Variants in TRMT61B observed in about 807,000 individuals in gnomAD.
TRMT61B encodes tRNA (adenine(58)-N(1))-methyltransferase, mitochondrial.
TRMT61B carries 56 observed loss-of-function variants against 52.0 expected under a neutral mutation model. That is an observed-to-expected ratio of 1.08 (90% confidence interval 0.87 to 1.35). The LOEUF is 1.35. Among genes scored for constraint, TRMT61B ranks in the 40% most tolerant of loss-of-function variants. The pLI is 0.00. For missense variants in TRMT61B, 650 were observed against 577.9 expected (o/e 1.12, Z -1.28); for synonymous variants, 206 against 220.0 (o/e 0.94, Z 0.56).
intron 3 of TRMT61B, among the ~76,000 whole-genome samples, chr2:28,860,538 T>A (rs1669558981): frequency 1.3e-5 from 2 of 152,116 alleles, no homozygotes; most frequent in South Asian, 4.1e-4. Context: ...TCCTCTCTTG[T>A]CATCTATCTT....
intron 1 of TRMT61B, among the ~76,000 whole-genome samples, chr2:28,869,326 G>A (rs969865450): frequency 2.0e-5 from 3 of 152,138 alleles, no homozygotes; most frequent in East Asian, 1.9e-4. Context: ...CTAACAGAAA[G>A]TTGAGCTATT....
chr2:28,861,003 C>T, intron 3 of TRMT61B, 115 bp downstream of exon 3: 2 of 848,668 alleles, frequency 2.4e-6, no homozygotes, highest in South Asian at 2.3e-5. Flanking sequence ...TCTTTCAATC[C>T]CTAGAGATAG....
intron 3 of TRMT61B, among the ~76,000 whole-genome samples, chr2:28,853,773 T>A (rs1669221810): frequency 6.6e-6 from 1 of 152,006 alleles, no homozygotes; most frequent in Non-Finnish European, 1.5e-5. Context: ...GAGGCAGAGG[T>A]TGCAGTAAGC....
chr2:28,850,327 C>A lies in TRMT61B; in HGVS notation c.1390+1G>T. On this transcript the variant is annotated splice_donor_variant, in intron 6 of 6. Coordinates refer to ENST00000306108, the MANE Select transcript of TRMT61B (RefSeq NM_017910.4). LOFTEE classifies it high-confidence loss of function. ...TAATATGTTCTGAAAACATTACTCA[C>A]CTGTATGACCAGGTTGCCAGTGTAC... 6.2e-7 allele frequency: 1 copy of A among 1,608,402 alleles called. No homozygotes were observed. The highest frequency in any genetic ancestry group is 8.5e-7 in the Non-Finnish European group (1 of 1,176,202).
intron 3 of TRMT61B, among the ~76,000 whole-genome samples, chr2:28,854,198 T>C (rs1313294614): frequency 3.9e-5 from 6 of 152,216 alleles, no homozygotes. Flanking sequence ...GGTAAGGATA[T>C]AGTTGGAGCT....
intron 3 of TRMT61B, among the ~76,000 whole-genome samples, chr2:28,854,355 C>T (rs1163632575): frequency 6.6e-6 from 1 of 152,004 alleles, no homozygotes; most frequent in Non-Finnish European, 1.5e-5. Context: ...GCCTGTAATG[C>T]CAGCACTTTG....
chr2:28,859,718 T>C (rs1289381586), intron 3 of TRMT61B, among the ~76,000 whole-genome samples: 9 of 152,282 alleles, frequency 5.9e-5, no homozygotes, highest in African/African-American at 1.7e-4. Context: ...TTCAGCAGGT[T>C]TCTACAAAGC....
At chr2:28,855,963 T>C (rs537738032) in intron 3 of TRMT61B, among the ~76,000 whole-genome samples, 17 of 151,836 alleles carry the variant, frequency 1.1e-4, no homozygotes, top group African/African-American at 4.1e-4. Context: ...AGAGTGAGAC[T>C]CCATCTCAAA....
rs1461347879 is a variant in TRMT61B, at chr2:28,850,367, A to G, written c.1351T>C (p.Tyr451His). 1.2e-6 allele frequency: 2 copies of G among 1,610,734 alleles called. No homozygotes were observed. The highest frequency in any genetic ancestry group is 8.5e-7 in the Non-Finnish European group (1 of 1,178,332). Residue 451 changes from tyrosine to histidine, a missense_variant, in exon 6 of 7, where the codon TAT becomes CAT. Physicochemically the swap from Tyr to His is moderately conservative, Grantham distance 83 (BLOSUM62 2). Coordinates refer to ENST00000306108, the MANE Select transcript of TRMT61B (RefSeq NM_017910.4). ...TGCCAGTGTACTGGTCTAGCAACAT[A>G]GGGAAATGATCCATATGGAAAATCA... ...HSDFPYGSFP[Y>H]VARPVHWQPG...
chr2:28,852,559 T>C (rs772489366), intron 3 of TRMT61B, 60 bp from the exon 4 acceptor site: 9 of 1,142,756 alleles, frequency 7.9e-6, no homozygotes, highest in Admixed American at 2.1e-5. Context: ...AGCATAAGTT[T>C]TCTTATTGTG....
intron 1 of TRMT61B, 82 bp downstream of exon 1, chr2:28,869,497 T>C: frequency 1.0e-6 from 1 of 954,932 alleles, no homozygotes; most frequent in Non-Finnish European, 1.6e-6. Flanking sequence ...GAGATGTCTT[T>C]GAATACATTA....
intron 2 of TRMT61B, among the ~76,000 whole-genome samples, chr2:28,864,143 T>C (rs1051856075): frequency 1.3e-5 from 2 of 152,218 alleles, no homozygotes; most frequent in Non-Finnish European, 2.9e-5. Context: ...CTTCATGATC[T>C]AGCTTTTTAC....
At chr2:28,856,616 T>C (rs1669351643) in intron 3 of TRMT61B, among the ~76,000 whole-genome samples, 1 of 152,122 alleles carries the variant, frequency 6.6e-6, no homozygotes, top group Admixed American at 6.6e-5. Flanking sequence ...CATATGTCTA[T>C]TTCATTTTAT....
Position 28,850,105 on chromosome 2 carries a change from T to C in TRMT61B, c.*94A>G, listed in dbSNP as rs1669007769. ...AAGTTATATAAGTCATAGTAATAGC[T>C]AAAAATGCCAATCTATGGAAGCAGT... On this transcript the variant is annotated 3_prime_UTR_variant, in exon 7 of 7. Coordinates refer to ENST00000306108, the MANE Select transcript of TRMT61B (RefSeq NM_017910.4). 1 of 1,301,154 alleles carries C rather than the reference T, an allele frequency of 7.7e-7. No homozygotes were observed. 80.6% of individuals were successfully genotyped at this position (1,301,154 alleles called of 1,614,324 possible).
chr2:28,858,997 C>T (rs1669476675), intron 3 of TRMT61B, among the ~76,000 whole-genome samples: 2 of 151,076 alleles, frequency 1.3e-5, no homozygotes, highest in Non-Finnish European at 3.0e-5. Flanking sequence ...CAGGTTCAAG[C>T]GATTCTCCTG....
chr2:28,860,307 G>C (rs79295566), intron 3 of TRMT61B, among the ~76,000 whole-genome samples: 1 of 35,192 alleles, frequency 2.8e-5, no homozygotes, highest in African/African-American at 8.7e-5. Context: ...AAAAAAAAAA[G>C]ATTTTCTCTC....
At chr2:28,869,543 CTG>C in intron 1 of TRMT61B, 34 bp downstream of exon 1, 1 of 1,488,332 alleles carries the variant, frequency 6.7e-7, no homozygotes, top group African/African-American at 1.4e-5. Flanking sequence ...TTTGCCCCTC[CTG>C]AAACCAATAC....
At chr2:28,860,076 A>C (rs1669532910) in intron 3 of TRMT61B, among the ~76,000 whole-genome samples, 1 of 151,956 alleles carries the variant, frequency 6.6e-6, no homozygotes, top group South Asian at 2.1e-4. Context: ...GTTCGAGACC[A>C]GCCTGGCCAA....
intron 3 of TRMT61B, among the ~76,000 whole-genome samples, chr2:28,856,852 G>T (rs1266125117): frequency 6.6e-6 from 1 of 151,966 alleles, no homozygotes; most frequent in African/African-American, 2.4e-5. Context: ...GGCCAGGCTG[G>T]TCTCGAACTC....
Sources: gnomAD v4.1 joint callset for allele counts (sites outside exome capture counted in the v4.1 genomes callset) on GRCh38, gnomAD v4.1.1 for gene constraint, MANE v1.5 for transcripts, NCBI Gene and HGNC (gene_info 2026-07-23, HGNC 2026-07-21) for gene names.